Variants in PEPD observed in about 807,000 individuals in gnomAD.
The protein encoded by PEPD is peptidase D, also known as xaa-Pro dipeptidase.
Under a neutral mutation model 60.7 loss-of-function variants are expected in PEPD, and 53 were observed. The observed-to-expected ratio is 0.87, with a 90% CI of 0.70 to 1.10. The LOEUF is 1.10. Among genes scored for constraint, PEPD ranks in the 50% least tolerant of loss-of-function variants. The probability of loss-of-function intolerance (pLI) is 0.00; values close to 1 mark genes in which losing one functional copy is unlikely to be tolerated. For missense variants in PEPD, 711 were observed against 711.9 expected (o/e 1.00, Z 0.01); for synonymous variants, 267 against 284.1 (o/e 0.94, Z 0.60).
At chr19:33,470,224 C>T (rs1392472979) in intron 7 of PEPD, among the ~76,000 whole-genome samples, 1 of 152,166 alleles carries the variant, frequency 6.6e-6, no homozygotes, top group African/African-American at 2.4e-5. Flanking sequence ...CCTCCAGCCT[C>T]TAGGCCTCCA....
At chr19:33,387,842 G>A (rs1434934247) in intron 14 of PEPD, 48 bp downstream of exon 14, 6 of 1,425,640 alleles carry the variant, frequency 4.2e-6, no homozygotes, top group Non-Finnish European at 5.8e-6. Context: ...AGCTGCAGTG[G>A]AGGTGGCAGA....
chr19:33,492,281 C>T (rs559441527), intron 5 of PEPD, among the ~76,000 whole-genome samples: 90 of 152,266 alleles, frequency 5.9e-4, no homozygotes, highest in African/African-American at 2.0e-3. Context: ...TCAGTCACTG[C>T]GCCCCACACC....
chr19:33,415,919 G>A (rs752001939), intron 9 of PEPD, among the ~76,000 whole-genome samples: 13 of 152,212 alleles, frequency 8.5e-5, no homozygotes, highest in Non-Finnish European at 1.3e-4. Context: ...CTTTTCTGAC[G>A]CAACTTGAGG....
intron 9 of PEPD, among the ~76,000 whole-genome samples, chr19:33,458,088 T>C (rs1261067531): frequency 6.6e-6 from 1 of 151,828 alleles, no homozygotes; most frequent in Non-Finnish European, 1.5e-5. Flanking sequence ...AGTGTGTGTA[T>C]GGGGATGGTG....
intron 9 of PEPD, among the ~76,000 whole-genome samples, chr19:33,457,288 G>A (rs984041559): frequency 5.3e-5 from 8 of 152,072 alleles, no homozygotes; most frequent in African/African-American, 1.7e-4. Context: ...AAAATTAGCT[G>A]GGCAAGGTAG....
rs531519177 is a variant in PEPD, at chr19:33,510,932, G to A, written c.329+96C>T. 117 of 1,295,190 alleles carry A rather than the reference G, an allele frequency of 9.0e-5. No homozygotes were observed. In the African/African-American group the frequency reaches 1.0e-3, roughly 11 times the overall value. The allele number at this position is 1,295,190 out of a possible 1,614,324, so 80.2% of individuals were successfully genotyped here. On this transcript the variant is annotated intron_variant, in intron 3 of 14. Coordinates refer to ENST00000244137, the MANE Select transcript of PEPD (RefSeq NM_000285.4). Reference sequence around the variant, plus strand: ...CTCCTGCAGCTCTTCCCTCCTCCCCGTCCCCAGGCCCAACCCAGCTCTCTC... The same window carrying A: ...CTCCTGCAGCTCTTCCCTCCTCCCCATCCCCAGGCCCAACCCAGCTCTCTC...
chr19:33,408,033 T>C (rs957844769), intron 11 of PEPD, among the ~76,000 whole-genome samples: 5 of 152,236 alleles, frequency 3.3e-5, no homozygotes, highest in African/African-American at 1.2e-4. Flanking sequence ...GTCTGGTTCA[T>C]AGGCCCTCTT....
At chr19:33,508,298 G>A (rs764411707) in intron 3 of PEPD, among the ~76,000 whole-genome samples, 1 of 152,202 alleles carries the variant, frequency 6.6e-6, no homozygotes, top group African/African-American at 2.4e-5. Context: ...GCCCTCGCTC[G>A]TCCTGAGTCG....
At chr19:33,388,190 G>A in intron 13 of PEPD, 109 bp from the exon 14 acceptor site, 1 of 918,012 alleles carries the variant, frequency 1.1e-6, no homozygotes, top group Non-Finnish European at 1.7e-6. Context: ...GGGCTCTCTT[G>A]ACCATTGGGG....
chr19:33,496,158 C>T (rs955922214), intron 4 of PEPD, among the ~76,000 whole-genome samples: 1 of 152,136 alleles, frequency 6.6e-6, no homozygotes, highest in Admixed American at 6.5e-5. Context: ...AGGAGCCCGT[C>T]AATTACAGCA....
chr19:33,489,957 G>A (rs1234155540), intron 6 of PEPD, 39 bp downstream of exon 6: 5 of 1,258,302 alleles, frequency 4.0e-6, no homozygotes, highest in Non-Finnish European at 5.8e-6. Flanking sequence ...TGGGAGTGGG[G>A]GATGGTGGGG....
chr19:33,443,877 G>A (rs1213052397), intron 9 of PEPD, among the ~76,000 whole-genome samples: 3 of 148,090 alleles, frequency 2.0e-5, no homozygotes, highest in African/African-American at 2.5e-5. Context: ...GAACATGCGC[G>A]TGCACACACA....
At chr19:33,398,498 C>T (rs555963758) in intron 12 of PEPD, among the ~76,000 whole-genome samples, 103 of 152,354 alleles carry the variant, frequency 6.8e-4, no homozygotes, top group Non-Finnish European at 1.0e-3. Context: ...ACCTGAGAGG[C>T]TGTGCCCGGC....
At chr19:33,391,175 G>C (rs1172539006) in intron 13 of PEPD, 120 bp downstream of exon 13, 7 of 828,232 alleles carry the variant, frequency 8.5e-6, no homozygotes, top group Non-Finnish European at 1.2e-5. Context: ...GGGAGCCATG[G>C]GGCCCATCCC....
chr19:33,464,489 G>A (rs1279636655), intron 7 of PEPD, among the ~76,000 whole-genome samples: 1 of 152,198 alleles, frequency 6.6e-6, no homozygotes, highest in African/African-American at 2.4e-5. Context: ...CCTGTTGGCT[G>A]AAGAGGCCTC....
intron 7 of PEPD, among the ~76,000 whole-genome samples, chr19:33,475,717 T>C (rs1970202479): frequency 6.6e-6 from 1 of 152,160 alleles, no homozygotes; most frequent in South Asian, 2.1e-4. Context: ...GAATGTCCCA[T>C]GTGAGGCAGT....
intron 6 of PEPD, among the ~76,000 whole-genome samples, chr19:33,487,950 C>G (rs997784431): frequency 6.6e-6 from 1 of 151,908 alleles, no homozygotes; most frequent in African/African-American, 2.4e-5. Context: ...CTGGGGAAGC[C>G]CAGGGCCCCA....
At chr19:33,431,554 G>C (rs1029305053) in intron 9 of PEPD, among the ~76,000 whole-genome samples, 18 of 152,096 alleles carry the variant, frequency 1.2e-4, no homozygotes, top group African/African-American at 4.3e-4. Flanking sequence ...TTTTGCCACA[G>C]GGGGAAAAAT....
chr19:33,455,991 C>G (rs1178610257), intron 9 of PEPD, among the ~76,000 whole-genome samples: 1 of 152,154 alleles, frequency 6.6e-6, no homozygotes, highest in East Asian at 1.9e-4. Context: ...CTTCATCGAC[C>G]AGGTTACACA....
Sources: allele counts gnomAD v4.1 joint callset (sites outside exome capture counted in the v4.1 genomes callset), GRCh38; gene constraint gnomAD v4.1.1; transcripts MANE v1.5; gene names NCBI Gene and HGNC (gene_info 2026-07-23, HGNC 2026-07-21).